SHMT1: variants seen among roughly 807,000 people sequenced by gnomAD.
SHMT1 encodes the protein serine hydroxymethyltransferase, cytosolic.
Under a neutral mutation model 49.0 loss-of-function variants are expected in SHMT1, and 45 were observed. The observed-to-expected ratio is 0.92, with a 90% CI of 0.72 to 1.18. SHMT1 has a LOEUF of 1.18. SHMT1 is among the 50% of genes most tolerant of loss of function. SHMT1 has a pLI of 0.00. For missense variants in SHMT1, 541 were observed against 612.4 expected (o/e 0.88, Z 1.23); for synonymous variants, 232 against 246.6 (o/e 0.94, Z 0.55).
In SHMT1 at chr17:18,363,040, G is replaced by GC. The variant is rs1371521179; in HGVS notation, c.-20+331dup. 3 of 152,282 alleles carry GC rather than the reference G, an allele frequency of 2.0e-5. No individual in the cohort carries two copies. The East Asian group carries it at 5.8e-4, about 29-fold the overall frequency. 9.4% of individuals were successfully genotyped at this position (152,282 alleles called of 1,614,324 possible). A position where few individuals can be genotyped will look rare whatever the true frequency, so the allele number is the denominator to read the frequency against. Reference sequence around the variant, plus strand: ...TGACTTGCAGCTTTGTTGTGAAGGAGCTAGGATTGTTTAAATCGAAAATGC... The same window carrying GC: ...TGACTTGCAGCTTTGTTGTGAAGGAGCCTAGGATTGTTTAAATCGAAAATGC... On this transcript the variant is annotated intron_variant, in intron 1 of 11. Transcript: ENST00000316694.
At chr17:18,350,103 C>T (rs1158860077) in intron 3 of SHMT1, among the ~76,000 whole-genome samples, 3 of 151,970 alleles carry the variant, frequency 2.0e-5, no homozygotes, top group East Asian at 1.9e-4. Flanking sequence ...CCGAGGCGGG[C>T]GGATCACGAG....
At chr17:18,350,104 G>A (rs568879973) in intron 3 of SHMT1, among the ~76,000 whole-genome samples, 109 of 152,192 alleles carry the variant, frequency 7.2e-4, no homozygotes, top group Admixed American at 1.4e-3. Flanking sequence ...CGAGGCGGGC[G>A]GATCACGAGG....
At chr17:18,349,000 G>T (rs1443375793) in intron 3 of SHMT1, among the ~76,000 whole-genome samples, 1 of 147,304 alleles carries the variant, frequency 6.8e-6, no homozygotes, top group Non-Finnish European at 1.5e-5. Flanking sequence ...AAAAAAAAAA[G>T]GAAAGAAATC....
At chr17:18,334,398 C>G (rs1983571397) in intron 8 of SHMT1, among the ~76,000 whole-genome samples, 1 of 152,228 alleles carries the variant, frequency 6.6e-6, no homozygotes, top group South Asian at 2.1e-4. Flanking sequence ...TGATATGCTT[C>G]TCTCTGAGGA....
At chr17:18,338,491 C>T (rs1439328555) in intron 7 of SHMT1, among the ~76,000 whole-genome samples, 1 of 152,150 alleles carries the variant, frequency 6.6e-6, no homozygotes, top group African/African-American at 2.4e-5. Context: ...TGAGGAGCCC[C>T]TCTGCCCGGC....
At chr17:18,349,245 C>A (rs1985427432) in intron 3 of SHMT1, among the ~76,000 whole-genome samples, 4 of 152,144 alleles carry the variant, frequency 2.6e-5, no homozygotes, top group South Asian at 2.1e-4. Flanking sequence ...TATGGTGAAA[C>A]CCCGTCTCTA....
At chr17:18,354,632 A>G (rs1398162897) in intron 2 of SHMT1, among the ~76,000 whole-genome samples, 1 of 152,148 alleles carries the variant, frequency 6.6e-6, no homozygotes, top group African/African-American at 2.4e-5. Context: ...AGAGAAAGTT[A>G]TCTTTAAGTG....
chr17:18,360,569 A>AG (rs1555588953), intron 1 of SHMT1: 2 of 151,842 alleles, frequency 1.3e-5, no homozygotes, highest in African/African-American at 4.8e-5. Context: ...CAAAAAAAAA[A>AG]AAAAGAAAAG....
At chr17:18,343,001 G>T (rs546256489) in intron 5 of SHMT1, among the ~76,000 whole-genome samples, 4 of 151,968 alleles carry the variant, frequency 2.6e-5, no homozygotes, top group Non-Finnish European at 5.9e-5. Flanking sequence ...ACAGAAGCAG[G>T]GTAGAATGTG....
chr17:18,337,905 G>A (rs1215909339), intron 7 of SHMT1, among the ~76,000 whole-genome samples: 6 of 152,076 alleles, frequency 3.9e-5, no homozygotes, highest in Non-Finnish European at 7.4e-5. Context: ...GTGCAGTGGT[G>A]TGATCTCGGC....
intron 9 of SHMT1, chr17:18,331,955 G>A (rs536283154): frequency 6.6e-6 from 1 of 152,292 alleles, no homozygotes; most frequent in African/African-American, 2.4e-5. Flanking sequence ...AAGTGTCTAG[G>A]CCCAACCTAG....
intron 10 of SHMT1, among the ~76,000 whole-genome samples, chr17:18,329,868 G>C (rs1258713574): frequency 6.6e-6 from 1 of 151,758 alleles, no homozygotes. Flanking sequence ...TTTTGTTTTT[G>C]TTTTTGTTTT....
At chr17:18,349,508 CAGG>C (rs1985455257) in intron 3 of SHMT1, among the ~76,000 whole-genome samples, 1 of 152,154 alleles carries the variant, frequency 6.6e-6, no homozygotes, top group East Asian at 1.9e-4. Flanking sequence ...TGCTTGAGGC[CAGG>C]AGTTCAAGAC....
At chr17:18,353,838 G>A (rs1366410502) in intron 2 of SHMT1, 21 bp from the exon 3 acceptor site, 2 of 1,612,746 alleles carry the variant, frequency 1.2e-6, no homozygotes, top group Admixed American at 1.7e-5. Flanking sequence ...GAAAACAGAT[G>A]CTTGATATTT....
intron 1 of SHMT1, among the ~76,000 whole-genome samples, chr17:18,359,274 T>C (rs12602780): frequency 0.11 from 16,486 of 149,602 alleles, 1,008 homozygotes; most frequent in South Asian, 0.18. Context: ...TATGGTGGCT[T>C]ATGCCTGTAA....
chr17:18,343,039 A>C (rs1282063323), intron 5 of SHMT1, among the ~76,000 whole-genome samples: 1 of 152,182 alleles, frequency 6.6e-6, no homozygotes, highest in Non-Finnish European at 1.5e-5. Flanking sequence ...GGTGGCAGAC[A>C]ATGGAGAGAT....
chr17:18,335,530 A>C, intron 8 of SHMT1, 29 bp downstream of exon 8: 1 of 1,473,302 alleles, frequency 6.8e-7, no homozygotes, highest in Non-Finnish European at 9.5e-7. Flanking sequence ...TAGGGGCTAC[A>C]GGATGAGCAG....
At chr17:18,342,829 G>C (rs1247005099) in intron 5 of SHMT1, among the ~76,000 whole-genome samples, 2 of 151,864 alleles carry the variant, frequency 1.3e-5, no homozygotes, top group Non-Finnish European at 2.9e-5. Flanking sequence ...CCAGCTATTC[G>C]GGAGGCTGAG....
At chr17:18,352,307 A>C (rs1180209137) in intron 3 of SHMT1, among the ~76,000 whole-genome samples, 1 of 151,802 alleles carries the variant, frequency 6.6e-6, no homozygotes, top group African/African-American at 2.4e-5. Context: ...CCACCTTGCC[A>C]GGCTAATTTT....
Sources: allele counts gnomAD v4.1 joint callset (sites outside exome capture counted in the v4.1 genomes callset), GRCh38; gene constraint gnomAD v4.1.1; transcripts MANE v1.5; gene names NCBI Gene and HGNC (gene_info 2026-07-23, HGNC 2026-07-21).